The following ADAMTS16 variants were observed in gnomAD, a reference collection of about 807,000 sequenced individuals.
The protein encoded by ADAMTS16 is A disintegrin and metalloproteinase with thrombospondin motifs 16.
Under a neutral mutation model 145.8 loss-of-function variants are expected in ADAMTS16, and 94 were observed. The observed-to-expected ratio is 0.64, with a 90% CI of 0.55 to 0.77. ADAMTS16 has a LOEUF of 0.77. Among genes scored for constraint, ADAMTS16 ranks in the 30% least tolerant of loss-of-function variants. ADAMTS16 has a pLI of 0.00. For synonymous variants in ADAMTS16, 659 were observed against 604.3 expected, an observed-to-expected ratio of 1.09 and a Z score of -1.33; for missense variants, 1,585 against 1,591.5, an observed-to-expected ratio of 1.00 and a Z score of 0.07.
intron 3 of ADAMTS16, among the ~76,000 whole-genome samples, chr5:5,150,886 G>A (rs1017754978): frequency 1.3e-5 from 2 of 152,128 alleles, no homozygotes; most frequent in African/African-American, 4.8e-5. Context: ...TCTCACTGTG[G>A]TGTATTATGC....
chr5:5,283,370 T>C (rs1181232670), intron 18 of ADAMTS16, among the ~76,000 whole-genome samples: 1 of 152,206 alleles, frequency 6.6e-6, no homozygotes, highest in African/African-American at 2.4e-5. Flanking sequence ...TATTCTATAG[T>C]GGCCTTGGAG....
intron 10 of ADAMTS16, among the ~76,000 whole-genome samples, chr5:5,216,408 T>A (rs1736443634): frequency 6.6e-6 from 1 of 152,052 alleles, no homozygotes; most frequent in East Asian, 1.9e-4. Context: ...TTGAGTTCAT[T>A]GTAGATCCTG....
intron 3 of ADAMTS16, among the ~76,000 whole-genome samples, chr5:5,165,372 G>A (rs1452117112): frequency 6.6e-6 from 1 of 152,030 alleles, no homozygotes; most frequent in Non-Finnish European, 1.5e-5. Flanking sequence ...GAGCTTCAAT[G>A]TGTTATCTAC....
chr5:5,177,500 A>C (rs1735232858), intron 3 of ADAMTS16, among the ~76,000 whole-genome samples: 1 of 152,230 alleles, frequency 6.6e-6, no homozygotes, highest in African/African-American at 2.4e-5. Flanking sequence ...AATTTCTTGG[A>C]GAAAAAGGAA....
chr5:5,238,847 T>A (rs912461113), intron 14 of ADAMTS16, among the ~76,000 whole-genome samples: 1 of 152,220 alleles, frequency 6.6e-6, no homozygotes, highest in African/African-American at 2.4e-5. Flanking sequence ...GCCCTTTAGG[T>A]CAGTGTGAAA....
At chr5:5,186,720 C>T (rs1400342775) in intron 5 of ADAMTS16, among the ~76,000 whole-genome samples, 1 of 152,132 alleles carries the variant, frequency 6.6e-6, no homozygotes, top group African/African-American at 2.4e-5. Context: ...TTTAGAATAT[C>T]ACCTCAGGTA....
intron 5 of ADAMTS16, among the ~76,000 whole-genome samples, chr5:5,187,235 G>A (rs1291822843): frequency 1.3e-5 from 2 of 152,164 alleles, no homozygotes; most frequent in African/African-American, 4.8e-5. Context: ...CACCCCAAAT[G>A]CCACTGTGAT....
chr5:5,289,307 G>A (rs1020271876), intron 18 of ADAMTS16, among the ~76,000 whole-genome samples: 2 of 152,208 alleles, frequency 1.3e-5, no homozygotes, highest in African/African-American at 4.8e-5. Flanking sequence ...TGTAAGGTGC[G>A]ACTGGTTTGC....
chr5:5,153,692 A>G (rs1402855119), intron 3 of ADAMTS16, among the ~76,000 whole-genome samples: 1 of 152,170 alleles, frequency 6.6e-6, no homozygotes, highest in Non-Finnish European at 1.5e-5. Context: ...ATATGATGGG[A>G]ATAGATTTTT....
Position 5,242,199 on chromosome 5 carries a change from C to T in ADAMTS16, c.2662+8C>T, listed in dbSNP as rs1030645882. ...CCGTGTCCTGCGGAGGGGGTAGGTG[C>T]CTTCCAGTGCTGCTCCTGGAGGCAG... On this transcript the variant is annotated splice_region_variant and intron_variant, in intron 17 of 22. Coordinates refer to ENST00000274181, the MANE Select transcript of ADAMTS16 (RefSeq NM_139056.4). 2.4e-5 allele frequency: 39 copies of T among 1,613,028 alleles called. No individual in the cohort carries two copies. Among genetic ancestry groups the T allele is most frequent in the Non-Finnish European group, 3.3e-5 (39 of 1,179,724 alleles).
intron 9 of ADAMTS16, among the ~76,000 whole-genome samples, chr5:5,206,390 C>A (rs1420325471): frequency 9.6e-6 from 1 of 103,850 alleles, no homozygotes; most frequent in Non-Finnish European, 1.8e-5. Flanking sequence ...CCCGCCACTG[C>A]ACTCCAGCCT....
At position 5,280,594 on chromosome 5, in the gene ADAMTS16, G is replaced by A. The variant is rs190532676; in HGVS notation, c.2789+17811G>A. Among the ~76,000 whole-genome samples the A allele has an allele frequency of 1.4e-4, 22 of 152,270 alleles. No homozygotes were observed. In the East Asian group the frequency reaches 4.3e-3, roughly 29 times the overall value. ...GTATCCCCAAGTCAGTCTCTGCAAT[G>A]GGAACCTCCTTCCTGGCCTTCCTTA... On this transcript the variant is annotated intron_variant, in intron 18 of 22. Coordinates refer to ENST00000274181, the MANE Select transcript of ADAMTS16 (RefSeq NM_139056.4).
intron 3 of ADAMTS16, among the ~76,000 whole-genome samples, chr5:5,169,233 A>G (rs11955813): frequency 0.27 from 41,393 of 152,072 alleles, 6,125 homozygotes; most frequent in Admixed American, 0.44. Flanking sequence ...AATTATCACT[A>G]TGCTCCTTCT....
chr5:5,305,488 CA>C lies in ADAMTS16; in HGVS notation c.3187-1014del, dbSNP rs74742016. ...ACACACATCCCACACCACACACACA[CA>C]ATCCCACACCACACACACATCCCAT... On this transcript the variant is annotated intron_variant, in intron 20 of 22. Coordinates refer to ENST00000274181, the MANE Select transcript of ADAMTS16 (RefSeq NM_139056.4). Among the ~76,000 whole-genome samples, 14 of 57,326 alleles carry C rather than the reference CA, an allele frequency of 2.4e-4. 2 individuals are homozygous for C. Among genetic ancestry groups the C allele is most frequent in the Non-Finnish European group, 2.9e-4 (7 of 23,996 alleles). 37.6% of individuals were successfully genotyped at this position (57,326 alleles called of 152,430 possible).
intron 3 of ADAMTS16, among the ~76,000 whole-genome samples, chr5:5,152,377 G>A (rs1734495403): frequency 6.6e-6 from 1 of 152,244 alleles, no homozygotes; most frequent in Admixed American, 6.5e-5. Context: ...GAGATGGAGT[G>A]GAGGTATTCA....
intron 8 of ADAMTS16, among the ~76,000 whole-genome samples, chr5:5,192,376 G>A (rs1476312853): frequency 4.6e-5 from 7 of 152,134 alleles, no homozygotes; most frequent in Admixed American, 4.6e-4. Flanking sequence ...CTGCTAACAG[G>A]GGACTCTAAA....
intron 22 of ADAMTS16, among the ~76,000 whole-genome samples, chr5:5,318,684 A>G (rs1386844955): frequency 6.6e-6 from 1 of 152,200 alleles, no homozygotes; most frequent in Non-Finnish European, 1.5e-5. Flanking sequence ...TGTTAAGGCT[A>G]TTCTGAGAGA....
At chr5:5,281,468 T>C (rs1256618910) in intron 18 of ADAMTS16, among the ~76,000 whole-genome samples, 2 of 152,204 alleles carry the variant, frequency 1.3e-5, no homozygotes, top group African/African-American at 2.4e-5. Context: ...TTAAAAACTT[T>C]ATAAGTATAT....
At chr5:5,163,870 C>CCTG (rs1734799122) in intron 3 of ADAMTS16, among the ~76,000 whole-genome samples, 1 of 152,188 alleles carries the variant, frequency 6.6e-6, no homozygotes, top group South Asian at 2.1e-4. Context: ...GAGGCCATGT[C>CCTG]CTGCTCCCTG....
Sources: allele counts gnomAD v4.1 joint callset (sites outside exome capture counted in the v4.1 genomes callset), GRCh38; gene constraint gnomAD v4.1.1; transcripts MANE v1.5; gene names NCBI Gene and HGNC (gene_info 2026-07-23, HGNC 2026-07-21).